Variants in SLC1A3 observed in about 807,000 individuals in gnomAD.
The protein encoded by SLC1A3 is excitatory amino acid transporter 1.
Under a neutral mutation model 48.1 loss-of-function variants are expected in SLC1A3, and 21 were observed. That is an observed-to-expected ratio of 0.44 (90% CI 0.31 to 0.63). The LOEUF (loss-of-function observed/expected upper bound fraction) is 0.63, where lower values mean the gene tolerates loss of function less well. Ranked by LOEUF, SLC1A3 falls within the 20% of genes least tolerant of loss-of-function variation. The pLI is 0.08. For synonymous variants in SLC1A3, 239 were observed against 251.4 expected, an observed-to-expected ratio of 0.95 and a Z score of 0.47; for missense variants, 546 against 689.0, an observed-to-expected ratio of 0.79 and a Z score of 2.32.
At chr5:36,654,537 A>T (rs1381442312) in intron 3 of SLC1A3, among the ~76,000 whole-genome samples, 1 of 152,196 alleles carries the variant, frequency 6.6e-6, no homozygotes, top group African/African-American at 2.4e-5. Flanking sequence ...CACAGACTCC[A>T]TAAGACTGTG....
chr5:36,608,643 G>T (rs1205171325), intron 2 of SLC1A3, 39 bp downstream of exon 2: 2 of 1,609,100 alleles, frequency 1.2e-6, no homozygotes, highest in East Asian at 2.2e-5. Context: ...CCTGTATCTT[G>T]TTTCTCTGGG....
At position 36,632,884 on chromosome 5, in the gene SLC1A3, A is replaced by G. The variant is rs147348843; in HGVS notation, c.319+3297A>G. ...ATGTTCCCTTTTCCCTGAATTTGAAACTCCAATCTTTCCAAACATCCCTGG... is the reference window on the plus strand; with the variant it reads ...ATGTTCCCTTTTCCCTGAATTTGAAGCTCCAATCTTTCCAAACATCCCTGG... On this transcript the variant is annotated intron_variant, in intron 3 of 9. Transcript: ENST00000265113. Among the ~76,000 whole-genome samples the G allele has an allele frequency of 5.9e-3, 900 of 152,120 alleles. 8 individuals carry two copies. The highest frequency in any genetic ancestry group is 7.6e-3 in the Non-Finnish European group (517 of 67,992).
intron 3 of SLC1A3, among the ~76,000 whole-genome samples, chr5:36,653,706 C>G (rs931627938): frequency 6.6e-6 from 1 of 152,172 alleles, no homozygotes; most frequent in Non-Finnish European, 1.5e-5. Flanking sequence ...TGCTGTGATG[C>G]CCTGGACTTG....
intron 8 of SLC1A3, 140 bp from the exon 9 acceptor site, chr5:36,683,724 T>G: frequency 1.2e-6 from 1 of 861,218 alleles, no homozygotes; most frequent in South Asian, 1.5e-5. Context: ...AAAAAAAATC[T>G]CATTTACGTT....
chr5:36,635,351 G>A (rs1489055238), intron 3 of SLC1A3, among the ~76,000 whole-genome samples: 1 of 152,202 alleles, frequency 6.6e-6, no homozygotes, highest in Non-Finnish European at 1.5e-5. Context: ...AGCAGCAAGA[G>A]CTGTCTTCTG....
intron 1 of SLC1A3, among the ~76,000 whole-genome samples, chr5:36,600,149 A>C (rs1246740803): frequency 2.6e-5 from 4 of 152,146 alleles, no homozygotes; most frequent in Non-Finnish European, 5.9e-5. Flanking sequence ...CTTGGAATAC[A>C]CTCAGGGTCC....
chr5:36,677,284 T>C (rs1449104372), intron 6 of SLC1A3, 100 bp downstream of exon 6: 5 of 999,928 alleles, frequency 5.0e-6, no homozygotes, highest in African/African-American at 3.2e-5. Context: ...GGATGGCCAA[T>C]TGCAGTTATC....
intron 3 of SLC1A3, among the ~76,000 whole-genome samples, chr5:36,632,363 A>G (rs1399456680): frequency 6.6e-6 from 1 of 152,222 alleles, no homozygotes; most frequent in Non-Finnish European, 1.5e-5. Context: ...GACTACCAAT[A>G]TTTGAACTCA....
intron 3 of SLC1A3, among the ~76,000 whole-genome samples, chr5:36,654,552 C>T (rs1454290357): frequency 6.6e-6 from 1 of 152,180 alleles, no homozygotes; most frequent in Non-Finnish European, 1.5e-5. Context: ...ACTGTGGATG[C>T]CGATACACTT....
chr5:36,648,553 T>C (rs1014745310), intron 3 of SLC1A3, among the ~76,000 whole-genome samples: 1 of 152,216 alleles, frequency 6.6e-6, no homozygotes. Context: ...ATGGCTTGGA[T>C]GGGCTTTGTT....
chr5:36,684,452 G>A (rs148499325), intron 9 of SLC1A3, among the ~76,000 whole-genome samples: 47 of 152,280 alleles, frequency 3.1e-4, no homozygotes, highest in Middle Eastern at 6.8e-3. Context: ...GAGCTATGCC[G>A]ACACTGGGAA....
rs768627283 is a variant in SLC1A3 at position 36,679,663 on chromosome 5, G to A, written c.897G>A (p.Gly299=). ...APVGILFLIA[G]KIVEMEDMGV... ...TGGGTATTCTCTTCCTGATTGCTGG[G>A]AAGATTGTGGAGATGGAAGACATGG... Residue 299 remains glycine (G), a synonymous_variant, in exon 7 of 10, where the codon GGG becomes GGA. Coordinates refer to ENST00000265113, the MANE Select transcript of SLC1A3 (RefSeq NM_004172.5). The A allele has an allele frequency of 3.1e-6, 5 of 1,614,020 alleles. No individual in the cohort carries two copies. The African/African-American group carries it at 6.7e-5, about 22-fold the overall frequency.
chr5:36,636,875 T>C (rs1740413619), intron 3 of SLC1A3, among the ~76,000 whole-genome samples: 1 of 152,118 alleles, frequency 6.6e-6, no homozygotes, highest in South Asian at 2.1e-4. Flanking sequence ...GAATCCCCTC[T>C]CCAGCCCCTG....
chr5:36,612,511 C>T (rs976118410), intron 2 of SLC1A3, among the ~76,000 whole-genome samples: 1 of 151,828 alleles, frequency 6.6e-6, no homozygotes, highest in African/African-American at 2.4e-5. Context: ...ATCACTTAAG[C>T]CCAGGAGGTT....
intron 3 of SLC1A3, among the ~76,000 whole-genome samples, chr5:36,634,719 C>T (rs1199986162): frequency 6.6e-6 from 1 of 152,148 alleles, no homozygotes; most frequent in Non-Finnish European, 1.5e-5. Context: ...GTGACAAGCT[C>T]TATGATGTGT....
intron 3 of SLC1A3, among the ~76,000 whole-genome samples, chr5:36,647,509 A>G (rs1006347982): frequency 6.6e-6 from 1 of 152,234 alleles, no homozygotes. Context: ...TTGGCATTCA[A>G]AATGATCCCA....
chr5:36,667,147 G>T (rs1363908532), intron 3 of SLC1A3, among the ~76,000 whole-genome samples: 1 of 152,180 alleles, frequency 6.6e-6, no homozygotes, highest in African/African-American at 2.4e-5. Flanking sequence ...AGTGCTCACA[G>T]CAGCCAGCAA....
At chr5:36,636,448 T>C (rs1395724564) in intron 3 of SLC1A3, 3 of 136,890 alleles carry the variant, frequency 2.2e-5, no homozygotes, top group African/African-American at 8.0e-5. Context: ...TCTTTTCTTT[T>C]TCTTTCTTTC....
chr5:36,643,405 C>T (rs1420907234), intron 3 of SLC1A3, among the ~76,000 whole-genome samples: 1 of 152,182 alleles, frequency 6.6e-6, no homozygotes, highest in Non-Finnish European at 1.5e-5. Flanking sequence ...TTGCACTTCT[C>T]TGAAGGCTAA....
Sources: gnomAD v4.1 joint callset for allele counts (sites outside exome capture counted in the v4.1 genomes callset) on GRCh38, gnomAD v4.1.1 for gene constraint, MANE v1.5 for transcripts, NCBI Gene and HGNC (gene_info 2026-07-23, HGNC 2026-07-21) for gene names.